The following HDAC4 variants were observed in gnomAD, a reference collection of about 807,000 sequenced individuals.
HDAC4 encodes the protein histone deacetylase 4.
HDAC4 carries 16 observed loss-of-function variants against 135.1 expected under a neutral mutation model. The observed-to-expected ratio is 0.12, with a 90% CI of 0.08 to 0.18. The LOEUF is 0.18. Ranked by LOEUF, HDAC4 falls within the 10% of genes least tolerant of loss-of-function variation. HDAC4 has a pLI of 1.00. For synonymous variants in HDAC4, 685 were observed against 653.4 expected (o/e 1.05, Z -0.74); for missense variants, 1,143 against 1,511.8 (o/e 0.76, Z 4.05).
rs1341410706 is a variant in HDAC4, at chr2:239,115,878, C to T, written c.1534-568G>A. 6.6e-6 allele frequency among the ~76,000 whole-genome samples: 1 copy of T among 152,124 alleles called. No individual in the cohort carries two copies. Among genetic ancestry groups the T allele is most frequent in the East Asian group, 1.9e-4 (1 of 5,180 alleles). Reference sequence around the variant, plus strand: ...TCCAGGACCTCCCTTCCTGCTGAATCCCAGGGATGCCACGGCCTCCCCTTC... The same window carrying T: ...TCCAGGACCTCCCTTCCTGCTGAATTCCAGGGATGCCACGGCCTCCCCTTC... On this transcript the variant is annotated intron_variant, in intron 12 of 26. Coordinates refer to ENST00000543185, the MANE Select transcript of HDAC4 (RefSeq NM_001378414.1). The surrounding 1 kb of genome is among the most constrained non-coding windows in gnomAD (Gnocchi z 6.3).
intron 2 of HDAC4, among the ~76,000 whole-genome samples, chr2:239,282,492 G>T (rs564833655): frequency 1.7e-4 from 24 of 138,016 alleles, no homozygotes; most frequent in Admixed American, 3.0e-4. Context: ...TACACACAAT[G>T]AACATACCAC....
rs1442016325 is a variant in HDAC4, at chr2:239,053,350, TA to T, written c.3230+109del. ...GGAGGGGGCCACACTGGCCTGTCTC[TA>T]GTCTGTTGGGCAGGGCATGTGCCAT... On this transcript the variant is annotated intron_variant, in intron 26 of 26. Transcript: ENST00000543185. The T allele has an allele frequency of 2.8e-5, 41 of 1,455,102 alleles. 1 individual carries two copies. Among genetic ancestry groups the T allele is most frequent in the Non-Finnish European group, 4.7e-6 (5 of 1,066,188 alleles). 90.1% of individuals were successfully genotyped at this position (1,455,102 alleles called of 1,614,324 possible). A position where few individuals can be genotyped will look rare whatever the true frequency, so the allele number is the denominator to read the frequency against.
chr2:239,120,112 G>A (rs1231974691), intron 12 of HDAC4, among the ~76,000 whole-genome samples: 1 of 152,224 alleles, frequency 6.6e-6, no homozygotes, highest in South Asian at 2.1e-4. Context: ...GGGCAGCTCA[G>A]AGAGGCTGAA....
chr2:239,213,305 G>A (rs1456376560), intron 3 of HDAC4, among the ~76,000 whole-genome samples: 1 of 152,282 alleles, frequency 6.6e-6, no homozygotes, highest in African/African-American at 2.4e-5. Context: ...GAGCCGTGGC[G>A]GATGCTGAAA....
chr2:239,356,288 G>GA (rs1184074584), intron 1 of HDAC4, among the ~76,000 whole-genome samples: 2 of 152,138 alleles, frequency 1.3e-5, no homozygotes, highest in African/African-American at 4.8e-5. Context: ...TGCAGAACTG[G>GA]AGACAGCCAA....
chr2:239,070,027 T>C (rs927169633), intron 22 of HDAC4, among the ~76,000 whole-genome samples: 1 of 132,398 alleles, frequency 7.6e-6, no homozygotes, highest in Non-Finnish European at 1.6e-5. Flanking sequence ...TCCCTGCCCA[T>C]CCTCTCTTCT....
intron 3 of HDAC4, among the ~76,000 whole-genome samples, chr2:239,231,826 G>A (rs1211797002): frequency 1.0e-5 from 1 of 97,220 alleles, no homozygotes; most frequent in Non-Finnish European, 1.9e-5. Flanking sequence ...ACCTGCTCCC[G>A]GATGCCTGAG....
chr2:239,084,651 C>T (rs1574959524), intron 19 of HDAC4, among the ~76,000 whole-genome samples: 1 of 149,022 alleles, frequency 6.7e-6, no homozygotes, highest in Non-Finnish European at 1.5e-5. Context: ...GTACACCCCA[C>T]ACAGACACAC....
chr2:239,217,838 C>T (rs755771945), intron 3 of HDAC4, among the ~76,000 whole-genome samples: 8 of 152,162 alleles, frequency 5.3e-5, no homozygotes, highest in South Asian at 4.1e-4. Context: ...CCTGTAATCA[C>T]GGTGCTTTGG....
At chr2:239,121,208 T>G (rs908644651) in intron 12 of HDAC4, among the ~76,000 whole-genome samples, 7 of 152,174 alleles carry the variant, frequency 4.6e-5, no homozygotes, top group African/African-American at 1.4e-4. Flanking sequence ...CCACCCACCT[T>G]GGCCTCCCAG....
At chr2:239,295,977 C>A (rs2051863020) in intron 2 of HDAC4, among the ~76,000 whole-genome samples, 1 of 152,222 alleles carries the variant, frequency 6.6e-6, no homozygotes, top group South Asian at 2.1e-4. Context: ...AGCTACCAGG[C>A]AATGGGCGCA....
At chr2:239,157,495 C>T (rs761587336) in intron 6 of HDAC4, among the ~76,000 whole-genome samples, 1 of 152,188 alleles carries the variant, frequency 6.6e-6, no homozygotes, top group Non-Finnish European at 1.5e-5. Flanking sequence ...GGAGAATGGC[C>T]GGAGGACGGA....
chr2:239,084,422 A>G (rs1240857298), intron 19 of HDAC4, among the ~76,000 whole-genome samples, 180 bp from the exon 20 acceptor site: 1 of 151,746 alleles, frequency 6.6e-6, no homozygotes, highest in Non-Finnish European at 1.5e-5. Flanking sequence ...ACAGACAGAC[A>G]CGTACACACC....
Position 239,285,739 on chromosome 2 carries a change from A to G in HDAC4, c.23-49075T>C, listed in dbSNP as rs1019732392. On this transcript the variant is annotated intron_variant, in intron 2 of 26. Transcript: ENST00000543185. The surrounding 1 kb of genome is among the most constrained non-coding windows in gnomAD (Gnocchi z 4.5). The stretch of plus-strand genomic sequence containing the variant: ...AAACCCTCCAACAAGCCAGAAATAT[A>G]TAATTAAGGGAAACAAAAGCAACTC... Among the ~76,000 whole-genome samples the G allele has an allele frequency of 1.2e-4, 19 of 152,190 alleles. No individual in the cohort carries two copies. The highest frequency in any genetic ancestry group is 3.4e-4 in the African/African-American group (14 of 41,436).
chr2:239,068,866 G>T lies in HDAC4; in HGVS notation c.2751-259C>A, dbSNP rs62189535. On this transcript the variant is annotated intron_variant, in intron 22 of 26. Transcript: ENST00000543185. The surrounding 1 kb of genome is among the most constrained non-coding windows in gnomAD (Gnocchi z 4.4). Reference sequence around the variant, plus strand: ...CCCCACGACACTTGCTTGGTGAGAGGGAGTCACGGTGCAAGCCAGCAAGCC... The same window carrying T: ...CCCCACGACACTTGCTTGGTGAGAGTGAGTCACGGTGCAAGCCAGCAAGCC... 0.052 allele frequency: 22,096 copies of T among 423,016 alleles called. 162 individuals are homozygous for T. The highest frequency in any genetic ancestry group is 0.07 in the Non-Finnish European group (15,188 of 217,722). 26.2% of individuals were successfully genotyped at this position (423,016 alleles called of 1,614,324 possible). A position where few individuals can be genotyped will look rare whatever the true frequency, so the allele number is the denominator to read the frequency against.
intron 2 of HDAC4, among the ~76,000 whole-genome samples, chr2:239,277,099 T>A (rs1169685243): frequency 6.7e-6 from 1 of 148,790 alleles, no homozygotes; most frequent in Non-Finnish European, 1.5e-5. Context: ...TCTTAACCAT[T>A]CTTGAAAGCA....
intron 1 of HDAC4, among the ~76,000 whole-genome samples, chr2:239,365,324 C>T (rs1017901088): frequency 6.6e-6 from 1 of 152,198 alleles, no homozygotes; most frequent in Non-Finnish European, 1.5e-5. Context: ...GGACTCTACA[C>T]TTGAAAGTAA....
At chr2:239,396,701 G>A (rs1251931138) in intron 1 of HDAC4, among the ~76,000 whole-genome samples, 2 of 152,232 alleles carry the variant, frequency 1.3e-5, no homozygotes, top group Non-Finnish European at 2.9e-5. Context: ...GGCTGACGGA[G>A]TCTTTTGCCA....
chr2:239,147,544 C>G (rs559404546), intron 7 of HDAC4, among the ~76,000 whole-genome samples: 2 of 152,266 alleles, frequency 1.3e-5, no homozygotes. Flanking sequence ...ACCGCCCTCG[C>G]GGGCCTTCCA....
Sources: gnomAD v4.1 joint callset for allele counts (sites outside exome capture counted in the v4.1 genomes callset) on GRCh38, gnomAD v4.1.1 for gene constraint, Gnocchi (gnomAD v3.1) non-coding constraint, MANE v1.5 for transcripts, NCBI Gene and HGNC (gene_info 2026-07-23, HGNC 2026-07-21) for gene names.